SGCZ: variants seen among roughly 807,000 people sequenced by gnomAD.
SGCZ encodes the protein sarcoglycan zeta.
In SGCZ, 40 loss-of-function variants were observed where a neutral mutation model predicts 41.3. That is an observed-to-expected ratio of 0.97 (90% CI 0.75 to 1.26). The LOEUF (loss-of-function observed/expected upper bound fraction) is 1.26. Ranked by LOEUF, SGCZ falls within the 50% of genes most tolerant of loss-of-function variation. The probability of loss-of-function intolerance (pLI) is 0.00; values close to 1 mark genes in which losing one functional copy is unlikely to be tolerated. For missense variants in SGCZ, 552 were observed against 369.8 expected (o/e 1.49, Z -4.04); for synonymous variants, 206 against 137.5 (o/e 1.50, Z -3.49).
intron 5 of SGCZ, among the ~76,000 whole-genome samples, chr8:14,112,281 T>TGG (rs1802396180): frequency 1.1e-5 from 1 of 91,790 alleles, no homozygotes; most frequent in Non-Finnish European, 2.1e-5. Flanking sequence ...TTTTTTTTTT[T>TGG]GTGGGGGGGG....
At chr8:14,379,339 A>C (rs1804267883) in intron 2 of SGCZ, among the ~76,000 whole-genome samples, 1 of 152,188 alleles carries the variant, frequency 6.6e-6, no homozygotes, top group Non-Finnish European at 1.5e-5. Flanking sequence ...ACAAATAATA[A>C]GTAGATAGAT....
chr8:15,097,777 T>C (rs1277324414), intron 1 of SGCZ, among the ~76,000 whole-genome samples: 9 of 141,898 alleles, frequency 6.3e-5, no homozygotes, highest in Admixed American at 4.2e-4. Context: ...TATATATATA[T>C]ATACGTGTAT....
intron 1 of SGCZ, among the ~76,000 whole-genome samples, chr8:14,564,157 T>C (rs1005903341): frequency 4.6e-5 from 7 of 152,220 alleles, no homozygotes; most frequent in African/African-American, 1.7e-4. Context: ...TTTCTGATGA[T>C]GAAGCTAGCA....
Position 14,482,184 on chromosome 8 carries a change from A to G in SGCZ, c.234+72548T>C, listed in dbSNP as rs142015427. On this transcript the variant is annotated intron_variant, in intron 2 of 7. Transcript: ENST00000382080. ...CAGTGAGCATCCATCCCTGGTTCTA[A>G]TATCTAACTTCCCCTCCTTGAGTGT... Among the ~76,000 whole-genome samples, 648 of 152,254 alleles carry G rather than the reference A, an allele frequency of 4.3e-3. 4 individuals are homozygous for G. Among genetic ancestry groups the G allele is most frequent in the Non-Finnish European group, 7.7e-3 (524 of 68,024 alleles).
intron 3 of SGCZ, among the ~76,000 whole-genome samples, chr8:14,321,376 T>C (rs1261363114): frequency 6.6e-6 from 1 of 152,054 alleles, no homozygotes; most frequent in African/African-American, 2.4e-5. Context: ...AGTCTGTAGA[T>C]ATTTAGCGAT....
chr8:14,981,587 T>C lies in SGCZ; in HGVS notation c.39+255998A>G, dbSNP rs1801663510. On this transcript the variant is annotated intron_variant, in intron 1 of 7. Transcript: ENST00000382080. ...AAGATTGGAACTATATCCCTCTATA[T>C]TCTCTTCTATCCCAACTTAAATCCA... is the stretch of plus-strand genomic sequence containing the variant. Among the ~76,000 whole-genome samples, 2 of 152,318 alleles carry C rather than the reference T, an allele frequency of 1.3e-5. 1 individual carries two copies. The highest frequency in any genetic ancestry group is 2.9e-5 in the Non-Finnish European group (2 of 68,028).
intron 1 of SGCZ, among the ~76,000 whole-genome samples, chr8:14,673,119 T>C (rs1808156861): frequency 6.6e-6 from 1 of 152,190 alleles, no homozygotes; most frequent in Non-Finnish European, 1.5e-5. Context: ...TTGTATCACA[T>C]CCCATTATCC....
chr8:14,182,617 AAAT>A (rs1053537240), intron 4 of SGCZ, among the ~76,000 whole-genome samples: 3 of 152,210 alleles, frequency 2.0e-5, no homozygotes, highest in African/African-American at 4.8e-5. Flanking sequence ...TAGATGGAAA[AAAT>A]AATAAAGACA....
chr8:14,613,475 C>A (rs767198849), intron 1 of SGCZ, among the ~76,000 whole-genome samples: 1 of 152,064 alleles, frequency 6.6e-6, no homozygotes, highest in Non-Finnish European at 1.5e-5. Flanking sequence ...GTAACTTGAA[C>A]TGAAATGTAT....
intron 1 of SGCZ, among the ~76,000 whole-genome samples, chr8:14,624,677 TCTC>T (rs1179364150): frequency 6.7e-6 from 1 of 149,148 alleles, no homozygotes; most frequent in Non-Finnish European, 1.5e-5. Context: ...GTCAAGTAAT[TCTC>T]CTACCTCAGC....
At chr8:14,588,393 G>A (rs1486657003) in intron 1 of SGCZ, among the ~76,000 whole-genome samples, 1 of 151,514 alleles carries the variant, frequency 6.6e-6, no homozygotes, top group African/African-American at 2.4e-5. Context: ...TTATGATATA[G>A]GTAAACACAT....
At chr8:14,107,102 G>T (rs922853415) in intron 6 of SGCZ, among the ~76,000 whole-genome samples, 1 of 152,006 alleles carries the variant, frequency 6.6e-6, no homozygotes, top group African/African-American at 2.4e-5. Context: ...TGTAGTCCTA[G>T]CTACTCGAGA....
intron 1 of SGCZ, among the ~76,000 whole-genome samples, chr8:14,824,029 G>C (rs1182078260): frequency 6.7e-6 from 1 of 150,244 alleles, no homozygotes; most frequent in Non-Finnish European, 1.5e-5. Context: ...AATCTAAAGG[G>C]AAAAAAAAAG....
chr8:14,557,282 T>A (rs1777982627), intron 1 of SGCZ, among the ~76,000 whole-genome samples: 2 of 151,914 alleles, frequency 1.3e-5, no homozygotes, highest in South Asian at 4.1e-4. Context: ...GATGGGGATT[T>A]TTTTTTTGCT....
chr8:15,142,480 G>A (rs989523387), intron 1 of SGCZ, among the ~76,000 whole-genome samples: 5 of 152,100 alleles, frequency 3.3e-5, no homozygotes, highest in Non-Finnish European at 7.3e-5. Flanking sequence ...AGAAAGATGT[G>A]AAGCTAAAGT....
chr8:14,571,646 C>G (rs936407145), intron 1 of SGCZ, among the ~76,000 whole-genome samples: 1 of 152,044 alleles, frequency 6.6e-6, no homozygotes, highest in East Asian at 1.9e-4. Context: ...GCTCTATATT[C>G]CAAGCTATAA....
At chr8:14,247,310 G>A (rs1393342838) in intron 3 of SGCZ, among the ~76,000 whole-genome samples, 1 of 152,092 alleles carries the variant, frequency 6.6e-6, no homozygotes, top group East Asian at 1.9e-4. Context: ...AGTAATCAGA[G>A]TAGTCCCCAT....
chr8:14,440,759 GTATATGTATATATGTATATACATACGT>G (rs1380079136), intron 2 of SGCZ, among the ~76,000 whole-genome samples: 1 of 114,228 alleles, frequency 8.8e-6, no homozygotes, highest in African/African-American at 3.3e-5. Flanking sequence ...ACGTATACAC[GTATATGTATATATGTATATACATACGT>G]ATACACGTAT....
chr8:14,321,443 G>A (rs961015914), intron 3 of SGCZ, among the ~76,000 whole-genome samples: 4 of 151,960 alleles, frequency 2.6e-5, no homozygotes, highest in African/African-American at 9.7e-5. Flanking sequence ...GATTAGGTTA[G>A]GTGGCTAGAT....
Sources: gnomAD v4.1 joint callset for allele counts (sites outside exome capture counted in the v4.1 genomes callset) on GRCh38, gnomAD v4.1.1 for gene constraint, MANE v1.5 for transcripts, NCBI Gene and HGNC (gene_info 2026-07-23, HGNC 2026-07-21) for gene names.